EYS: variants seen among roughly 807,000 people sequenced by gnomAD.
EYS encodes the protein EGF-like photoreceptor maintenance factor.
EYS carries 250 observed loss-of-function variants against 282.1 expected under a neutral mutation model. The observed-to-expected ratio is 0.89, with a 90% CI of 0.80 to 0.98. The LOEUF is 0.98. Among genes scored for constraint, EYS ranks in the 50% least tolerant of loss-of-function variants. The pLI, the probability that EYS is intolerant of heterozygous loss-of-function variation, is 0.00. For synonymous variants in EYS, 1,355 were observed against 1,282.9 expected, an observed-to-expected ratio of 1.06 and a Z score of -1.20; for missense variants, 4,016 against 3,709.0, an observed-to-expected ratio of 1.08 and a Z score of -2.15.
At chr6:64,490,720 A>C (rs1158455626) in intron 26 of EYS, among the ~76,000 whole-genome samples, 2 of 150,926 alleles carry the variant, frequency 1.3e-5, no homozygotes, top group Non-Finnish European at 3.0e-5. Flanking sequence ...GAAAAAGCAA[A>C]GGAACTTTTT....
chr6:65,591,388 C>T (rs1315744248), intron 2 of EYS, among the ~76,000 whole-genome samples: 2 of 151,536 alleles, frequency 1.3e-5, no homozygotes, highest in African/African-American at 4.8e-5. Context: ...ATGTGTGTGC[C>T]TGTGTGTGTT....
chr6:65,400,618 T>C (rs1453057621), intron 7 of EYS, among the ~76,000 whole-genome samples: 1 of 152,014 alleles, frequency 6.6e-6, no homozygotes, highest in Non-Finnish European at 1.5e-5. Context: ...CTAACTGTAT[T>C]GCTTTAAGTT....
intron 29 of EYS, 26 bp from the exon 30 acceptor site, chr6:64,307,108 GT>G (rs1283102207): frequency 1.2e-5 from 12 of 1,034,798 alleles, no homozygotes; most frequent in Non-Finnish European, 1.5e-5. Context: ...AGAGAGAGAA[GT>G]AGAGATAATT....
intron 30 of EYS, among the ~76,000 whole-genome samples, chr6:64,275,155 T>C (rs769233456): frequency 7.2e-5 from 11 of 152,190 alleles, no homozygotes; most frequent in Non-Finnish European, 1.5e-4. Flanking sequence ...AAAGCAGAAA[T>C]ATCTGTAAAC....
chr6:64,296,057 T>C (rs1488148052), intron 30 of EYS, among the ~76,000 whole-genome samples: 1 of 152,192 alleles, frequency 6.6e-6, no homozygotes, highest in Non-Finnish European at 1.5e-5. Context: ...GAATGTTAAT[T>C]TAATTGAGTA....
intron 26 of EYS, among the ~76,000 whole-genome samples, chr6:64,515,944 A>G (rs1420768315): frequency 6.6e-6 from 1 of 151,768 alleles, no homozygotes; most frequent in Non-Finnish European, 1.5e-5. Context: ...ATATAATTTT[A>G]TTGTATATTA....
chr6:64,130,148 A>C lies in EYS; in HGVS notation c.6425-48146T>G, dbSNP rs1773922851. On this transcript the variant is annotated intron_variant, in intron 31 of 42. Transcript: ENST00000503581. ...TTACTGGGTATATACCCAAAGGATT[A>C]TAAATCATGCTGCTATAAAGACACA... Among the ~76,000 whole-genome samples the C allele has an allele frequency of 3.3e-5, 5 of 152,338 alleles. 1 individual carries two copies. The South Asian group carries it at 1.0e-3, about 32-fold the overall frequency.
intron 28 of EYS, among the ~76,000 whole-genome samples, chr6:64,421,602 C>T (rs116689384): frequency 3.3e-4 from 50 of 152,182 alleles, no homozygotes; most frequent in African/African-American, 1.1e-3. Context: ...ATCTTTGGCT[C>T]ATGAATCATT....
At chr6:64,808,278 A>T (rs1764497996) in intron 22 of EYS, among the ~76,000 whole-genome samples, 1 of 152,140 alleles carries the variant, frequency 6.6e-6, no homozygotes, top group African/African-American at 2.4e-5. Flanking sequence ...TGGTAGCAAC[A>T]TCAGAGTTTA....
chr6:63,898,487 T>C (rs1773588156), intron 35 of EYS, among the ~76,000 whole-genome samples: 1 of 128,950 alleles, frequency 7.8e-6, no homozygotes, highest in South Asian at 2.8e-4. Context: ...CGAGATTCCA[T>C]CTCAAAATAA....
At chr6:64,829,743 C>G (rs538931624) in intron 19 of EYS, among the ~76,000 whole-genome samples, 1 of 151,896 alleles carries the variant, frequency 6.6e-6, no homozygotes, top group Admixed American at 6.6e-5. Flanking sequence ...TTATATGATG[C>G]TTTGTTCCCA....
At chr6:64,212,809 C>A (rs887351857) in intron 31 of EYS, among the ~76,000 whole-genome samples, 2 of 151,984 alleles carry the variant, frequency 1.3e-5, no homozygotes, top group East Asian at 3.9e-4. Flanking sequence ...CTCATGCATG[C>A]GTATGTTCAT....
chr6:64,158,403 A>G (rs1774998988), intron 31 of EYS, among the ~76,000 whole-genome samples: 1 of 152,236 alleles, frequency 6.6e-6, no homozygotes, highest in South Asian at 2.1e-4. Context: ...TGCTGAGAAA[A>G]AAAACCTACA....
intron 35 of EYS, among the ~76,000 whole-genome samples, chr6:63,944,317 G>C (rs1366383635): frequency 6.6e-6 from 1 of 152,120 alleles, no homozygotes; most frequent in Non-Finnish European, 1.5e-5. Context: ...TAATAAATGA[G>C]AAAAATAAGA....
At chr6:64,458,951 C>T (rs1775653308) in intron 26 of EYS, among the ~76,000 whole-genome samples, 1 of 152,152 alleles carries the variant, frequency 6.6e-6, no homozygotes, top group Admixed American at 6.5e-5. Flanking sequence ...CTTTGCAATA[C>T]TTTAAACATT....
In EYS at chr6:65,365,740, A is replaced by G. The variant is rs78808946; in HGVS notation, c.1300-12123T>C. ...TTAGAGAGAGATTTTCCTGAAAGACAAGTGACTAAAGATTTCACCAAAACT... is the reference window on the plus strand; with the variant it reads ...TTAGAGAGAGATTTTCCTGAAAGACGAGTGACTAAAGATTTCACCAAAACT... On this transcript the variant is annotated intron_variant, in intron 8 of 42. Transcript: ENST00000503581. 4.5e-3 allele frequency among the ~76,000 whole-genome samples: 687 copies of G among 151,806 alleles called. 5 individuals carry two copies. Among genetic ancestry groups the G allele is most frequent in the South Asian group, 0.011 (51 of 4,828 alleles).
At chr6:64,840,321 T>C (rs758330259) in intron 19 of EYS, among the ~76,000 whole-genome samples, 5 of 152,064 alleles carry the variant, frequency 3.3e-5, no homozygotes, top group African/African-American at 4.8e-5. Flanking sequence ...AATTAATCCA[T>C]AAAAAGTGAA....
At chr6:64,721,969 A>T (rs766827473) in intron 22 of EYS, among the ~76,000 whole-genome samples, 4 of 152,152 alleles carry the variant, frequency 2.6e-5, no homozygotes, top group Non-Finnish European at 5.9e-5. Flanking sequence ...CAAACATTAC[A>T]CTGTTTCCAG....
intron 30 of EYS, among the ~76,000 whole-genome samples, chr6:64,265,526 G>C (rs1767727940): frequency 6.6e-6 from 1 of 152,154 alleles, no homozygotes; most frequent in Non-Finnish European, 1.5e-5. Context: ...GAGAAGAATT[G>C]CTAGAATATG....
Sources: gnomAD v4.1 joint callset for allele counts (sites outside exome capture counted in the v4.1 genomes callset) on GRCh38, gnomAD v4.1.1 for gene constraint, MANE v1.5 for transcripts, NCBI Gene and HGNC (gene_info 2026-07-23, HGNC 2026-07-21) for gene names.